The following ZNF565 variants were observed in gnomAD, a reference collection of about 807,000 sequenced individuals.
The protein encoded by ZNF565 is zinc finger protein 565.
A neutral mutation model predicts 39.4 loss-of-function variants in ZNF565; 27 were observed. The ratio of observed to expected loss-of-function variants is 0.69; its 90% confidence interval spans 0.51 to 0.95. The LOEUF (loss-of-function observed/expected upper bound fraction) is 0.95, where lower values mean the gene tolerates loss of function less well. Among genes scored for constraint, ZNF565 ranks in the 40% least tolerant of loss-of-function variants. The pLI, the probability that ZNF565 is intolerant of heterozygous loss-of-function variation, is 0.00. For missense variants in ZNF565, 524 were observed against 621.1 expected (o/e 0.84, Z 1.66); for synonymous variants, 185 against 216.6 (o/e 0.85, Z 1.28).
At chr19:36,244,553 AT>A (rs965260765) in intron 1 of ZNF565, among the ~76,000 whole-genome samples, 8 of 150,902 alleles carry the variant, frequency 5.3e-5, no homozygotes, top group African/African-American at 1.9e-4. Flanking sequence ...AAGTTTATTA[AT>A]TTTTTTTTAA....
chr19:36,205,251 G>A (rs1306565879), intron 1 of ZNF565, among the ~76,000 whole-genome samples: 1 of 152,022 alleles, frequency 6.6e-6, no homozygotes, highest in Non-Finnish European at 1.5e-5. Flanking sequence ...GTTTTCAGCC[G>A]GGCACGGTGC....
chr19:36,184,454 G>A (rs1309958190), intron 4 of ZNF565, among the ~76,000 whole-genome samples: 4 of 151,856 alleles, frequency 2.6e-5, no homozygotes, highest in Non-Finnish European at 5.9e-5. Flanking sequence ...TAGTAAAGAT[G>A]GGGTTTCACC....
downstream of ZNF565, chr19:36,182,240 C>CGT: frequency 3.0e-6 from 1 of 328,738 alleles, no homozygotes; most frequent in Non-Finnish European, 5.0e-6. Context: ...TTTCTATATT[C>CGT]ATTTTTTTTT....
intron 1 of ZNF565, chr19:36,238,067 G>A (rs1246323663): frequency 6.0e-6 from 1 of 167,060 alleles, no homozygotes; most frequent in East Asian, 1.9e-4. Flanking sequence ...TTGATTTGTA[G>A]TAGCCAAAAA....
At chr19:36,205,945 A>C (rs1039440997) in intron 1 of ZNF565, among the ~76,000 whole-genome samples, 1 of 151,074 alleles carries the variant, frequency 6.6e-6, no homozygotes, top group Admixed American at 6.6e-5. Flanking sequence ...GTCCCAGTTG[A>C]TCTCACATTC....
At chr19:36,241,059 A>G (rs958096454) in intron 1 of ZNF565, among the ~76,000 whole-genome samples, 8 of 152,176 alleles carry the variant, frequency 5.3e-5, no homozygotes, top group African/African-American at 1.9e-4. Context: ...CTGTGTACCA[A>G]TATGTTCTTG....
At chr19:36,238,278 C>G (rs748237175) in intron 1 of ZNF565, 2 of 167,078 alleles carry the variant, frequency 1.2e-5, no homozygotes, top group South Asian at 2.1e-4. Context: ...CCTCATAAAA[C>G]TCAGTACTAT....
At chr19:36,213,772 G>A (rs925096982) in intron 1 of ZNF565, among the ~76,000 whole-genome samples, 2 of 150,694 alleles carry the variant, frequency 1.3e-5, no homozygotes, top group African/African-American at 4.9e-5. Context: ...CCTCCCAAAG[G>A]GCTGATGTGA....
chr19:36,216,503 C>A (rs1306923683), upstream of ZNF565, among the ~76,000 whole-genome samples: 1 of 151,726 alleles, frequency 6.6e-6, no homozygotes, highest in East Asian at 1.9e-4. Context: ...TAAAAAAATA[C>A]AAAAATTAGC....
At chr19:36,203,934 G>T (rs1976059164) in intron 1 of ZNF565, among the ~76,000 whole-genome samples, 1 of 151,548 alleles carries the variant, frequency 6.6e-6, no homozygotes, top group African/African-American at 2.4e-5. Context: ...CCTGTAGGGG[G>T]TGTGTCAAAA....
In ZNF565 at chr19:36,245,273, C is replaced by A. The variant is rs1410865949; in HGVS notation, c.55+203G>T. 6.6e-6 allele frequency among the ~76,000 whole-genome samples: 1 copy of A among 152,138 alleles called. No individual in the cohort carries two copies. The highest frequency in any genetic ancestry group is 6.5e-5 in the Admixed American group (1 of 15,282). ...TTCTCCCTCCCCTGAGACTCTAACG[C>A]GTGCACCAACTCGCGCCTAGAGGGC... On this transcript the variant is annotated intron_variant, in intron 1 of 4. Transcript: ENST00000355114. This position sits in a 1 kb window ranked among gnomAD's most constrained non-coding sequence, Gnocchi z 4.4.
In ZNF565 at chr19:36,194,255, A is replaced by G. The variant is rs34995077; in HGVS notation, c.210T>C (p.Asp70=). The change falls in exon 4 of 5, where the codon GAT becomes GAC. Residue 70 remains aspartate (D), a synonymous_variant. Coordinates refer to ENST00000304116, the MANE Select transcript of ZNF565 (RefSeq NM_152477.5). ...QGKEPWMIAN[D]VTGPWCPDLE... ...TACCTGGGCACCATGGTCCTGTCAC[A>G]TCATTTGCAATCATCCAGGGCTCTT... 1.7e-3 allele frequency: 2,813 copies of G among 1,612,728 alleles called. 35 individuals are homozygous for G. In the African/African-American group the frequency reaches 0.031, roughly 18 times the overall value.
intron 3 of ZNF565, 158 bp from the exon 4 acceptor site, chr19:36,194,486 C>T: frequency 1.8e-6 from 1 of 545,260 alleles, no homozygotes; most frequent in Non-Finnish European, 3.2e-6. Context: ...GTTTCTAGTT[C>T]CACAAAGCAC....
intron 1 of ZNF565, among the ~76,000 whole-genome samples, chr19:36,211,304 G>T (rs55637545): frequency 1.3e-5 from 2 of 151,850 alleles, no homozygotes; most frequent in African/African-American, 2.4e-5. Flanking sequence ...TTAGCCGGGC[G>T]TGGTGGTGTG....
chr19:36,189,607 C>A (rs1975451200), intron 4 of ZNF565, among the ~76,000 whole-genome samples: 1 of 151,964 alleles, frequency 6.6e-6, no homozygotes, highest in Non-Finnish European at 1.5e-5. Context: ...CAGGCATGAG[C>A]CACTGTACCC....
chr19:36,240,504 T>C (rs77325999), intron 1 of ZNF565, among the ~76,000 whole-genome samples: 3,736 of 152,316 alleles, frequency 0.025, 175 homozygotes, highest in African/African-American at 0.084. Context: ...ATGGGTTGAA[T>C]GTCCCACCCA....
chr19:36,223,950 A>G (rs1325165222), intron 1 of ZNF565, among the ~76,000 whole-genome samples: 2 of 152,072 alleles, frequency 1.3e-5, no homozygotes, highest in Non-Finnish European at 2.9e-5. Context: ...CCCAAGTCAG[A>G]GCAATAGTTT....
Position 36,182,423 on chromosome 19 carries a change from C to G in ZNF565, c.*43G>C. 1 of 1,501,432 alleles carries G rather than the reference C, an allele frequency of 6.7e-7. No homozygotes were observed. The highest frequency in any genetic ancestry group is 1.4e-5 in the South Asian group (1 of 72,650). The allele number at this position is 1,501,432 out of a possible 1,614,324, so 93.0% of individuals were successfully genotyped here. A position where few individuals can be genotyped will look rare whatever the true frequency, so the allele number is the denominator to read the frequency against. ...TACCTAGTACTGAGCCAGATGTGAA[C>G]TCCACATAAAGGCTTATCTTTATCC... is the stretch of plus-strand genomic sequence containing the variant. On this transcript the variant is annotated 3_prime_UTR_variant, in exon 5 of 5. Transcript: ENST00000304116.
At chr19:36,190,343 G>C (rs1384179706) in intron 4 of ZNF565, among the ~76,000 whole-genome samples, 3 of 150,364 alleles carry the variant, frequency 2.0e-5, no homozygotes, top group Non-Finnish European at 4.4e-5. Flanking sequence ...TTGTGAGGCC[G>C]AGGAGGGTGG....
Sources: gnomAD v4.1 joint callset for allele counts (sites outside exome capture counted in the v4.1 genomes callset) on GRCh38, gnomAD v4.1.1 for gene constraint, Gnocchi (gnomAD v3.1) non-coding constraint, MANE v1.5 for transcripts, NCBI Gene and HGNC (gene_info 2026-07-23, HGNC 2026-07-21) for gene names.